Variants in DDX31 observed in about 807,000 individuals in gnomAD.
DDX31 encodes ATP-dependent DNA helicase DDX31.
Under a neutral mutation model 91.3 loss-of-function variants are expected in DDX31, and 70 were observed. The observed-to-expected ratio is 0.77, with a 90% confidence interval of 0.63 to 0.94. The LOEUF (loss-of-function observed/expected upper bound fraction) is 0.94, where lower values mean the gene tolerates loss of function less well. Ranked by LOEUF, DDX31 falls within the 40% of genes least tolerant of loss-of-function variation. DDX31 has a pLI of 0.00. For missense variants in DDX31, 902 were observed against 925.0 expected, an observed-to-expected ratio of 0.98 and a Z score of 0.32; for synonymous variants, 362 against 350.6, an observed-to-expected ratio of 1.03 and a Z score of -0.36.
Position 132,654,419 on chromosome 9 carries a change from T to C in DDX31, c.589-1927A>G, listed in dbSNP as rs564872104. 5.5e-4 allele frequency among the ~76,000 whole-genome samples: 83 copies of C among 152,186 alleles called. No homozygotes were observed. The South Asian group carries it at 0.016, about 29-fold the overall frequency. On this transcript the variant is annotated intron_variant, in intron 6 of 19. Transcript: ENST00000372159. ...TGAGGTCAGGAGTTAGAGACCAGCC[T>C]GGCCAACATGGTGAAACCCTGTCTC...
intron 17 of DDX31, among the ~76,000 whole-genome samples, chr9:132,622,116 G>A (rs1832067580): frequency 6.6e-6 from 1 of 152,188 alleles, no homozygotes; most frequent in African/African-American, 2.4e-5. Flanking sequence ...AATCTATGAG[G>A]TCTGGAACTC....
chr9:132,632,264 A>ACAGTCCTG (rs1832821527), intron 14 of DDX31, among the ~76,000 whole-genome samples, 173 bp from the exon 15 acceptor site: 1 of 135,750 alleles, frequency 7.4e-6, no homozygotes, highest in Non-Finnish European at 1.5e-5. Flanking sequence ...ACACACACAC[A>ACAGTCCTG]CACACACACA....
chr9:132,646,798 A>G (rs200177146), intron 12 of DDX31, 25 bp downstream of exon 12: 575 of 1,608,350 alleles, frequency 3.6e-4, no homozygotes, highest in Non-Finnish European at 3.8e-4. Context: ...CCCTGAATCA[A>G]GTCGGCTCTA....
chr9:132,635,711 CGAG>C lies in DDX31; in HGVS notation c.1441-3623_1441-3621del, dbSNP rs535421769. On this transcript the variant is annotated intron_variant, in intron 14 of 19. Coordinates refer to ENST00000372159, the MANE Select transcript of DDX31 (RefSeq NM_022779.9). ...CTATAATCCCAGCACTTTGGGGGGC[CGAG>C]GTGGGTGAATCACCTGAGGTCAGGA... Among the ~76,000 whole-genome samples, 256 of 151,646 alleles carry C rather than the reference CGAG, an allele frequency of 1.7e-3. 1 individual carries two copies. The highest frequency in any genetic ancestry group is 5.9e-3 in the African/African-American group (244 of 41,382).
At chr9:132,669,170 T>C (rs1381753274) in intron 1 of DDX31, among the ~76,000 whole-genome samples, 1 of 152,072 alleles carries the variant, frequency 6.6e-6, no homozygotes, top group Non-Finnish European at 1.5e-5. Flanking sequence ...AGACTCTTAA[T>C]CTCTTTAGGA....
intron 19 of DDX31, among the ~76,000 whole-genome samples, chr9:132,601,001 G>A (rs1236081030): frequency 2.0e-5 from 3 of 152,202 alleles, no homozygotes; most frequent in Non-Finnish European, 2.9e-5. Context: ...CTGTTAAGAT[G>A]GAGAATACAG....
rs1168270619 is a variant in DDX31 at position 132,593,474 on chromosome 9, GGTT to G, written c.*1389_*1391del. 3 of 152,128 alleles carry G rather than the reference GGTT, an allele frequency of 2.0e-5. No individual in the cohort carries two copies. Among genetic ancestry groups the G allele is most frequent in the Non-Finnish European group, 4.4e-5 (3 of 68,026 alleles). The allele number at this position is 152,128 out of a possible 1,614,324, so 9.4% of individuals were successfully genotyped here. ...AACGCCAGGCTGACATGTGCTGCAG[GGTT>G]GTTGTTTTTTAATTATTATTGTTAG... On this transcript the variant is annotated 3_prime_UTR_variant, in exon 20 of 20. Transcript: ENST00000372159.
Position 132,662,572 on chromosome 9 carries a change from TA to T in DDX31, c.198del (p.Phe66LeufsTer49). 1.2e-6 allele frequency: 2 copies of T among 1,614,212 alleles called. No homozygotes were observed. Among genetic ancestry groups the T allele is most frequent in the South Asian group, 1.1e-5 (1 of 91,082 alleles). ...GAAAACATTTTTTGTGCGTTCCCCT[TA>T]AAAGTCCTCTGAGTTTCTTTAACAC... is the stretch of plus-strand genomic sequence containing the variant. ...KTSVKETQRT[F>X]KGNAQKMFSP... On this transcript the variant is annotated frameshift_variant, in exon 2 of 20. Transcript: ENST00000372159. LOFTEE classifies it high-confidence loss of function.
intron 13 of DDX31, among the ~76,000 whole-genome samples, chr9:132,643,576 T>C (rs1433570383): frequency 6.6e-6 from 1 of 152,194 alleles, no homozygotes. Context: ...CTCACACGTC[T>C]GAACTTTGCT....
At chr9:132,651,955 C>CAT (rs1834214526) in intron 7 of DDX31, among the ~76,000 whole-genome samples, 4 of 152,126 alleles carry the variant, frequency 2.6e-5, no homozygotes, top group Admixed American at 2.6e-4. Flanking sequence ...ATAGAAACCA[C>CAT]ATACCCTAAT....
intron 6 of DDX31, 84 bp from the exon 7 acceptor site, chr9:132,652,576 G>T: frequency 6.5e-7 from 1 of 1,534,332 alleles, no homozygotes; most frequent in Non-Finnish European, 9.0e-7. Context: ...GTGGCCGGTT[G>T]TAGAACATCA....
At chr9:132,611,340 A>AT (rs1831326110) in intron 19 of DDX31, among the ~76,000 whole-genome samples, 1 of 152,166 alleles carries the variant, frequency 6.6e-6, no homozygotes, top group Non-Finnish European at 1.5e-5. Context: ...AAGTTCTGAC[A>AT]TGAGTGGCTC....
chr9:132,663,477 C>T (rs1467316947), intron 1 of DDX31: 1 of 985,426 alleles, frequency 1.0e-6, no homozygotes, highest in East Asian at 1.1e-4. Flanking sequence ...ATTTCCATTA[C>T]AGGAATGTGC....
chr9:132,631,993 A>T (rs1317079962), intron 15 of DDX31, 48 bp downstream of exon 15: 1 of 1,542,534 alleles, frequency 6.5e-7, no homozygotes, highest in Non-Finnish European at 8.9e-7. Flanking sequence ...TCTACTCATG[A>T]TCATATATTC....
At chr9:132,626,254 C>A (rs143088919) in intron 16 of DDX31, among the ~76,000 whole-genome samples, 1 of 152,218 alleles carries the variant, frequency 6.6e-6, no homozygotes, top group Non-Finnish European at 1.5e-5. Flanking sequence ...GGCCTTTCTT[C>A]TTCTACCCTG....
chr9:132,645,419 T>A (rs1833765128), intron 13 of DDX31, among the ~76,000 whole-genome samples: 1 of 152,204 alleles, frequency 6.6e-6, no homozygotes, highest in African/African-American at 2.4e-5. Flanking sequence ...TGCAGCGCTG[T>A]GTCTTGTTGA....
At chr9:132,669,798 T>G (rs1039095714) in intron 1 of DDX31, 62 bp downstream of exon 1, 8 of 1,521,550 alleles carry the variant, frequency 5.3e-6, no homozygotes, top group Non-Finnish European at 7.0e-6. Flanking sequence ...CGGCTGCAGC[T>G]CGCGGCGCGC....
At chr9:132,598,389 C>A (rs1051732103) in intron 19 of DDX31, among the ~76,000 whole-genome samples, 8 of 152,188 alleles carry the variant, frequency 5.3e-5, no homozygotes, top group African/African-American at 1.9e-4. Flanking sequence ...CAATGGCCTT[C>A]CTGAGCATCC....
Position 132,651,115 on chromosome 9 carries a change from AG to A in DDX31, c.634del (p.Leu212Ter). 1 of 1,608,400 alleles carries A rather than the reference AG, an allele frequency of 6.2e-7. No individual in the cohort carries two copies. The highest frequency in any genetic ancestry group is 2.2e-5 in the East Asian group (1 of 44,820). On this transcript the variant is annotated frameshift_variant and splice_region_variant, in exon 8 of 20. Transcript: ENST00000372159. LOFTEE classifies it high-confidence loss of function. ...GACAGTGTCAAAGCTTTGTAGAGCTAGCTGTAAAAATTTTAAAAGTTATAGA... is the reference window on the plus strand; with the variant it reads ...GACAGTGTCAAAGCTTTGTAGAGCTACTGTAAAAATTTTAAAAGTTATAGA... ...YALVLVPTRE[L>X]ALQSFDTVQK...
Sources: allele counts gnomAD v4.1 joint callset (sites outside exome capture counted in the v4.1 genomes callset), GRCh38; gene constraint gnomAD v4.1.1; transcripts MANE v1.5; gene names NCBI Gene and HGNC (gene_info 2026-07-23, HGNC 2026-07-21).